NRP1: variants seen among roughly 807,000 people sequenced by gnomAD.
NRP1 encodes neuropilin 1, also known as neuropilin-1.
In NRP1, 35 loss-of-function variants were observed where a neutral mutation model predicts 106.7. The ratio of observed to expected loss-of-function variants is 0.33; its 90% CI spans 0.25 to 0.43. The LOEUF (loss-of-function observed/expected upper bound fraction) is 0.43. Ranked by LOEUF, NRP1 falls within the 20% of genes least tolerant of loss-of-function variation. NRP1 has a pLI of 1.00. For missense variants in NRP1, 1,024 were observed against 1,170.4 expected, an observed-to-expected ratio of 0.87 and a Z score of 1.83; for synonymous variants, 437 against 417.9, an observed-to-expected ratio of 1.05 and a Z score of -0.56.
At chr10:33,257,769 C>T (rs1239840432) in intron 4 of NRP1, among the ~76,000 whole-genome samples, 1 of 152,128 alleles carries the variant, frequency 6.6e-6, no homozygotes, top group African/African-American at 2.4e-5. Flanking sequence ...TGGCAAATCT[C>T]TCCATTTCCC....
chr10:33,255,646 C>G (rs1032860618), intron 5 of NRP1, among the ~76,000 whole-genome samples: 2 of 152,126 alleles, frequency 1.3e-5, no homozygotes, highest in Non-Finnish European at 2.9e-5. Context: ...GAGTCAGGTT[C>G]GCATTATATT....
At chr10:33,237,929 G>C (rs1650503957) in intron 6 of NRP1, among the ~76,000 whole-genome samples, 1 of 151,992 alleles carries the variant, frequency 6.6e-6, no homozygotes, top group South Asian at 2.1e-4. Flanking sequence ...CTCTCCCACT[G>C]CAAACACACA....
chr10:33,330,090 G>A (rs1041554106), intron 2 of NRP1, among the ~76,000 whole-genome samples: 9 of 152,270 alleles, frequency 5.9e-5, no homozygotes, highest in Non-Finnish European at 8.8e-5. Context: ...TGTATTCATC[G>A]TGTCTTAACA....
At chr10:33,254,490 T>G (rs886156587) in intron 5 of NRP1, among the ~76,000 whole-genome samples, 24 of 152,186 alleles carry the variant, frequency 1.6e-4, no homozygotes, top group African/African-American at 5.3e-4. Flanking sequence ...CAGTTGAGTG[T>G]GTGTGTTTGT....
chr10:33,311,716 G>C (rs1564478605), intron 2 of NRP1, among the ~76,000 whole-genome samples: 2 of 152,174 alleles, frequency 1.3e-5, no homozygotes, highest in East Asian at 1.9e-4. Flanking sequence ...CAATTTCTGA[G>C]TTTGTAAGTT....
intron 6 of NRP1, among the ~76,000 whole-genome samples, chr10:33,242,611 C>T (rs1047670601): frequency 3.9e-5 from 6 of 152,138 alleles, no homozygotes; most frequent in Non-Finnish European, 8.8e-5. Context: ...TTCAGTATTT[C>T]ACATTTCATA....
chr10:33,283,511 G>A (rs749156750), intron 2 of NRP1, among the ~76,000 whole-genome samples: 17 of 152,160 alleles, frequency 1.1e-4, no homozygotes, highest in Non-Finnish European at 1.8e-4. Context: ...ATCTCTGGAT[G>A]TACAATAATA....
At chr10:33,320,464 G>C (rs2132876187) in intron 2 of NRP1, among the ~76,000 whole-genome samples, 1 of 152,308 alleles carries the variant, frequency 6.6e-6, no homozygotes, top group African/African-American at 2.4e-5. Context: ...GATGTGGCCA[G>C]ATTCTCTGAA....
intron 2 of NRP1, among the ~76,000 whole-genome samples, chr10:33,283,890 C>G (rs1844321525): frequency 6.6e-6 from 1 of 152,166 alleles, no homozygotes; most frequent in African/African-American, 2.4e-5. Context: ...GAAATGGGCT[C>G]TGTGGTTGAA....
chr10:33,309,126 G>A (rs1385468329), intron 2 of NRP1, among the ~76,000 whole-genome samples: 1 of 152,120 alleles, frequency 6.6e-6, no homozygotes, highest in Non-Finnish European at 1.5e-5. Flanking sequence ...AGCAGAGATG[G>A]CAGTTTTGGG....
intron 2 of NRP1, among the ~76,000 whole-genome samples, chr10:33,281,751 C>T (rs548486976): frequency 1.3e-4 from 20 of 152,216 alleles, no homozygotes; most frequent in Middle Eastern, 3.4e-3. Context: ...GAGAAATAAA[C>T]GAAATCATAC....
chr10:33,310,166 G>T (rs370705655), intron 2 of NRP1, among the ~76,000 whole-genome samples: 2 of 149,780 alleles, frequency 1.3e-5, no homozygotes, highest in African/African-American at 4.9e-5. Flanking sequence ...AACCAGGATG[G>T]TCTTGATCTC....
intron 4 of NRP1, among the ~76,000 whole-genome samples, chr10:33,258,404 T>C (rs1049466717): frequency 6.6e-6 from 1 of 152,164 alleles, no homozygotes; most frequent in African/African-American, 2.4e-5. Context: ...AATTCAGAGT[T>C]TTCTCTCTGT....
chr10:33,212,655 A>T (rs547110977), intron 9 of NRP1: 2 of 153,118 alleles, frequency 1.3e-5, no homozygotes, highest in East Asian at 4.0e-4. Flanking sequence ...ATTGTATATT[A>T]TATGTATTTT....
In NRP1 at chr10:33,330,715, C is replaced by G; in HGVS notation, c.241G>C (p.Asp81His). The change falls in exon 2 of 17, where the codon GAC becomes CAC. Residue 81 changes from aspartate to histidine, a missense_variant. Physicochemically the swap from Asp to His is moderately conservative, Grantham distance 81 (BLOSUM62 -1). Around this residue, in one of 5 missense-constraint regions of NRP1, gnomAD observed 279 missense variants for 327.4 expected, o/e 0.85. Coordinates refer to ENST00000374867, the MANE Select transcript of NRP1 (RefSeq NM_003873.7). ...AAAAACATTCCCACTTACTTGCAGTCTCTGTCCTCCAAATCGAAGTGAGGG... is the reference window on the plus strand; with the variant it reads ...AAAAACATTCCCACTTACTTGCAGTGTCTGTCCTCCAAATCGAAGTGAGGG... ...FNPHFDLEDR[D>H]CKYDYVEVFD... 1 of 1,611,580 alleles carries G rather than the reference C, an allele frequency of 6.2e-7. No individual in the cohort carries two copies. The highest frequency in any genetic ancestry group is 8.5e-7 in the Non-Finnish European group (1 of 1,178,244).
At chr10:33,207,017 T>C (rs1837840243) in intron 10 of NRP1, among the ~76,000 whole-genome samples, 1 of 152,246 alleles carries the variant, frequency 6.6e-6, no homozygotes. Context: ...TCTTGATGTC[T>C]TAGTCTGTCA....
rs557696242 is a variant in NRP1 at position 33,314,084 on chromosome 10, T to C, written c.248+16624A>G. 8.1e-5 allele frequency among the ~76,000 whole-genome samples: 10 copies of C among 123,402 alleles called. No homozygotes were observed. The South Asian group carries it at 3.1e-3, about 38-fold the overall frequency. The allele number at this position is 123,402 out of a possible 152,430, so 81.0% of individuals were successfully genotyped here. A position where few individuals can be genotyped will look rare whatever the true frequency, so the allele number is the denominator to read the frequency against. On this transcript the variant is annotated intron_variant, in intron 2 of 16. Transcript: ENST00000374867. ...CCTCCCTCCCTCCCTCCCTCCCTCC[T>C]CTCTCTCTCTCTATTTTCAGAGGTA... is the stretch of plus-strand genomic sequence containing the variant.
intron 12 of NRP1, among the ~76,000 whole-genome samples, chr10:33,197,313 G>A (rs926552774): frequency 1.1e-4 from 16 of 152,116 alleles, no homozygotes; most frequent in African/African-American, 3.9e-4. Flanking sequence ...ATAAATAGTC[G>A]GGCTGTGCTG....
chr10:33,241,065 C>G (rs994463486), intron 6 of NRP1, among the ~76,000 whole-genome samples: 2 of 152,126 alleles, frequency 1.3e-5, no homozygotes, highest in Non-Finnish European at 2.9e-5. Context: ...AATGACTCTC[C>G]AAGAAAATCT....
Sources: allele counts gnomAD v4.1 joint callset (sites outside exome capture counted in the v4.1 genomes callset), GRCh38; gene constraint gnomAD v4.1.1; regional missense constraint gnomAD v4.1.1; transcripts MANE v1.5; gene names NCBI Gene and HGNC (gene_info 2026-07-23, HGNC 2026-07-21).